RELCH: variants seen among roughly 807,000 people sequenced by gnomAD.
RELCH encodes RAB11 binding and LisH domain, coiled-coil and HEAT repeat containing.
In RELCH, 41 loss-of-function variants were observed where a neutral mutation model predicts 150.3. The ratio of observed to expected loss-of-function variants is 0.27; its 90% confidence interval spans 0.21 to 0.35. RELCH has a LOEUF of 0.35. RELCH is among the 10% of genes least tolerant of loss of function. RELCH has a pLI of 1.00. For synonymous variants in RELCH, 478 were observed against 531.8 expected, an observed-to-expected ratio of 0.90 and a Z score of 1.39; for missense variants, 1,092 against 1,467.8, an observed-to-expected ratio of 0.74 and a Z score of 4.18.
intron 27 of RELCH, among the ~76,000 whole-genome samples, chr18:62,294,515 TATTTTTC>T: frequency 1.3e-5 from 2 of 152,330 alleles, no homozygotes; most frequent in South Asian, 4.1e-4. Flanking sequence ...GTTTTCTGCC[TATTTTTC>T]ATTTAGGCTG....
At chr18:62,283,909 G>A (rs1346864498) in intron 25 of RELCH, among the ~76,000 whole-genome samples, 1 of 152,142 alleles carries the variant, frequency 6.6e-6, no homozygotes, top group Non-Finnish European at 1.5e-5. Flanking sequence ...TATTTGATAT[G>A]TTGTCATGTT....
At chr18:62,284,397 A>C (rs952051830) in intron 25 of RELCH, 2 of 152,174 alleles carry the variant, frequency 1.3e-5, no homozygotes, top group African/African-American at 4.8e-5. Flanking sequence ...GTTCTAGTAA[A>C]CCATTATCCT....
At chr18:62,264,181 A>G in intron 17 of RELCH, 36 bp downstream of exon 17, 1 of 1,510,456 alleles carries the variant, frequency 6.6e-7, no homozygotes, top group South Asian at 1.2e-5. Flanking sequence ...TGAATAGATG[A>G]TAACTCTTAT....
At chr18:62,233,131 T>A (rs1000646086) in intron 10 of RELCH, among the ~76,000 whole-genome samples, 1 of 151,702 alleles carries the variant, frequency 6.6e-6, no homozygotes, top group Non-Finnish European at 1.5e-5. Flanking sequence ...TAAATTATTA[T>A]TAAATATAGT....
At chr18:62,243,604 C>T (rs927940419) in intron 10 of RELCH, among the ~76,000 whole-genome samples, 7 of 152,014 alleles carry the variant, frequency 4.6e-5, no homozygotes, top group East Asian at 1.9e-4. Flanking sequence ...TTAGAAACAA[C>T]GGAGAGAGAC....
At position 62,263,531 on chromosome 18, in the gene RELCH, C is replaced by T. The variant is rs182818920; in HGVS notation, c.2351-458C>T. Among the ~76,000 whole-genome samples the T allele has an allele frequency of 1.8e-4, 28 of 151,882 alleles. No homozygotes were observed. In the East Asian group the frequency reaches 5.2e-3, roughly 28 times the overall value. The stretch of plus-strand genomic sequence containing the variant: ...TATTATATCCTTATTTAGGGTATAT[C>T]CATATGTCTATATGTCCGTTTATAT... On this transcript the variant is annotated intron_variant, in intron 16 of 28. Transcript: ENST00000644646.
intron 27 of RELCH, among the ~76,000 whole-genome samples, chr18:62,296,589 A>G (rs1397301327): frequency 6.6e-6 from 1 of 151,990 alleles, no homozygotes; most frequent in African/African-American, 2.4e-5. Flanking sequence ...TCCATCTCAA[A>G]AAAAAAAAAG....
At chr18:62,246,760 C>T (rs1468618578) in intron 11 of RELCH, 1 of 152,188 alleles carries the variant, frequency 6.6e-6, no homozygotes, top group Non-Finnish European at 1.5e-5. Context: ...CTCATTCAGT[C>T]TGCTGTCAGT....
At chr18:62,224,167 G>A (rs2041063810) in intron 5 of RELCH, among the ~76,000 whole-genome samples, 1 of 151,980 alleles carries the variant, frequency 6.6e-6, no homozygotes, top group Non-Finnish European at 1.5e-5. Flanking sequence ...CTCACCATGT[G>A]TCCAAGTGAT....
At chr18:62,212,160 T>C (rs999289185) in intron 2 of RELCH, among the ~76,000 whole-genome samples, 2 of 152,214 alleles carry the variant, frequency 1.3e-5, no homozygotes, top group African/African-American at 4.8e-5. Context: ...ATAAGCCCCA[T>C]TGGAATTTGC....
chr18:62,221,292 A>G lies in RELCH; in HGVS notation c.744+18A>G, dbSNP rs918605558. On this transcript the variant is annotated intron_variant, in intron 4 of 28. Transcript: ENST00000644646. ...AAATTCAGGTGGGTGACAGAAGACA[A>G]ATGTAAAATTAATCTTCCACATTAA... The G allele has an allele frequency of 6.3e-7, 1 of 1,595,146 alleles. No individual in the cohort carries two copies. The highest frequency in any genetic ancestry group is 8.6e-7 in the Non-Finnish European group (1 of 1,163,262).
rs777917939 is a variant in RELCH, at chr18:62,244,814, A to G, written c.1671A>G (p.Lys557=). The change falls in exon 11 of 29, where the codon AAA becomes AAG. Residue 557 remains lysine (K), a synonymous_variant. Coordinates refer to ENST00000644646, the MANE Select transcript of RELCH (RefSeq NM_001346231.2). ...CAGCATGTCTACATCCTGAGCCTAA[A>G]GAGCGAGATCAGCTTCTCCACATAC... The part of the protein sequence containing the change: ...LCTACLHPEP[K]ERDQLLHILF... 1 of 1,613,570 alleles carries G rather than the reference A, an allele frequency of 6.2e-7. No homozygotes were observed. The highest frequency in any genetic ancestry group is 1.3e-5 in the African/African-American group (1 of 74,904).
intron 5 of RELCH, among the ~76,000 whole-genome samples, chr18:62,226,109 A>G (rs540081128): frequency 1.3e-5 from 2 of 152,194 alleles, no homozygotes; most frequent in East Asian, 3.9e-4. Flanking sequence ...TAAGAATATC[A>G]CATTTAGAAT....
chr18:62,267,793 T>G (rs1407795334), intron 19 of RELCH, among the ~76,000 whole-genome samples: 2 of 151,878 alleles, frequency 1.3e-5, no homozygotes, highest in Admixed American at 1.3e-4. Context: ...AGAAAAAAGG[T>G]AAATATTTTA....
intron 22 of RELCH, among the ~76,000 whole-genome samples, chr18:62,278,564 A>G (rs560125516): frequency 1.3e-5 from 2 of 152,230 alleles, no homozygotes; most frequent in Admixed American, 1.3e-4. Flanking sequence ...ACACAATGGT[A>G]GATTTTTGTT....
At chr18:62,197,010 A>G (rs1433319258) in intron 1 of RELCH, among the ~76,000 whole-genome samples, 3 of 152,212 alleles carry the variant, frequency 2.0e-5, no homozygotes, top group Non-Finnish European at 2.9e-5. Context: ...AAAATTTTGA[A>G]TAAATAGTAA....
At chr18:62,199,611 A>C (rs2039290748) in intron 1 of RELCH, among the ~76,000 whole-genome samples, 2 of 152,198 alleles carry the variant, frequency 1.3e-5, no homozygotes, top group Non-Finnish European at 2.9e-5. Flanking sequence ...TTAACCTTTT[A>C]CTTTATATCC....
rs934375041 is a variant in RELCH, at chr18:62,264,954, C to G, written c.2631+102C>G. ...ATAAAAGCATGAACCATTCTTTTATCTAATTCGCTTCTTTAATATCCTAGA... is the reference window on the plus strand; with the variant it reads ...ATAAAAGCATGAACCATTCTTTTATGTAATTCGCTTCTTTAATATCCTAGA... On this transcript the variant is annotated intron_variant, in intron 18 of 28. Coordinates refer to ENST00000644646, the MANE Select transcript of RELCH (RefSeq NM_001346231.2). 15 of 932,586 alleles carry G rather than the reference C, an allele frequency of 1.6e-5. No homozygotes were observed. In the East Asian group the frequency reaches 4.0e-4, roughly 25 times the overall value. 57.8% of individuals were successfully genotyped at this position (932,586 alleles called of 1,614,324 possible). A position where few individuals can be genotyped will look rare whatever the true frequency, so the allele number is the denominator to read the frequency against.
chr18:62,264,102 G>T lies in RELCH; in HGVS notation c.2464G>T (p.Gly822Cys). 1 of 1,602,190 alleles carries T rather than the reference G, an allele frequency of 6.2e-7. No homozygotes were observed. Among genetic ancestry groups the T allele is most frequent in the Non-Finnish European group, 8.5e-7 (1 of 1,175,488 alleles). ...QLYDYQLEQE[G>C]TTGWESLLWV... Reference sequence around the variant, plus strand: ...TTATGACTACCAGCTAGAACAAGAGGGTACAACAGGCTGGGAGAGTTTACT... The same window carrying T: ...TTATGACTACCAGCTAGAACAAGAGTGTACAACAGGCTGGGAGAGTTTACT... The change falls in exon 17 of 29, where the codon GGT (glycine) becomes TGT (cysteine). Residue 822 changes from glycine to cysteine, a missense_variant. By Grantham distance (159) the Gly-to-Cys change is radical. Coordinates refer to ENST00000644646, the MANE Select transcript of RELCH (RefSeq NM_001346231.2).
Sources: allele counts gnomAD v4.1 joint callset (sites outside exome capture counted in the v4.1 genomes callset), GRCh38; gene constraint gnomAD v4.1.1; transcripts MANE v1.5; gene names NCBI Gene and HGNC (gene_info 2026-07-23, HGNC 2026-07-21).